Variants in APCDD1L observed in about 807,000 individuals in gnomAD.
APCDD1L encodes the protein protein APCDD1-like.
In APCDD1L, 21 loss-of-function variants were observed where a neutral mutation model predicts 24.2. The ratio of observed to expected loss-of-function variants is 0.87; its 90% CI spans 0.61 to 1.25. The LOEUF (loss-of-function observed/expected upper bound fraction) is 1.25, where lower values mean the gene tolerates loss of function less well. Among genes scored for constraint, APCDD1L ranks in the 50% most tolerant of loss-of-function variants. APCDD1L has a pLI of 0.00. For synonymous variants in APCDD1L, 321 were observed against 323.6 expected (o/e 0.99, Z 0.09); for missense variants, 704 against 711.7 (o/e 0.99, Z 0.12).
intron 1 of APCDD1L, among the ~76,000 whole-genome samples, chr20:58,492,699 TCAC>T (rs1315160351): frequency 1.3e-5 from 2 of 152,244 alleles, no homozygotes; most frequent in Non-Finnish European, 2.9e-5. Flanking sequence ...ACATCTTACA[TCAC>T]CATCTGATAT....
In APCDD1L at chr20:58,460,535, C is replaced by A; in HGVS notation, c.*255G>T. 2.6e-6 allele frequency: 1 copy of A among 385,344 alleles called. No homozygotes were observed. Among genetic ancestry groups the A allele is most frequent in the Non-Finnish European group, 4.6e-6 (1 of 219,122 alleles). The allele number at this position is 385,344 out of a possible 1,614,324, so 23.9% of individuals were successfully genotyped here. On this transcript the variant is annotated 3_prime_UTR_variant, in exon 4 of 4. Coordinates refer to ENST00000371149, the MANE Select transcript of APCDD1L (RefSeq NM_153360.3). The surrounding 1 kb of genome is among the most constrained non-coding windows in gnomAD (Gnocchi z 4.2). The stretch of plus-strand genomic sequence containing the variant: ...AAATTGGGAGTGATCTTTAGAAACT[C>A]ACGTAGCGATGAACATCACTGCCGC...
rs1990714886 is a variant in APCDD1L at position 58,514,964 on chromosome 20, A to G, written c.-257T>C. ...AGACAGCCCCCGGCGAGGCGCGCAC[A>G]CCCGCGCAGCGCGCACAGCCCCCTG... is the stretch of plus-strand genomic sequence containing the variant. On this transcript the variant is annotated 5_prime_UTR_variant, in exon 1 of 4. Transcript: ENST00000371149. The G allele has an allele frequency of 2.9e-6, 1 of 350,554 alleles. No homozygotes were observed. 21.7% of individuals were successfully genotyped at this position (350,554 alleles called of 1,614,324 possible).
At chr20:58,480,588 G>A (rs1270224092) in intron 1 of APCDD1L, among the ~76,000 whole-genome samples, 2 of 152,178 alleles carry the variant, frequency 1.3e-5, no homozygotes, top group Non-Finnish European at 2.9e-5. Flanking sequence ...TGAGGAAGCG[G>A]CTGGCCACTG....
At chr20:58,513,994 T>C (rs1990683984) in intron 1 of APCDD1L, 2 of 1,271,032 alleles carry the variant, frequency 1.6e-6, no homozygotes, top group Admixed American at 4.9e-5. Flanking sequence ...GCCCCTGTGA[T>C]GGCACACTCC....
chr20:58,500,769 C>G (rs1990420374), intron 1 of APCDD1L, among the ~76,000 whole-genome samples: 1 of 152,170 alleles, frequency 6.6e-6, no homozygotes, highest in African/African-American at 2.4e-5. Flanking sequence ...TACCCCCGGA[C>G]ATTCATCCTG....
chr20:58,469,707 C>T (rs558641388), intron 2 of APCDD1L, among the ~76,000 whole-genome samples: 2 of 152,266 alleles, frequency 1.3e-5, no homozygotes, highest in Admixed American at 6.5e-5. Context: ...GAAGTGGCCT[C>T]GAAGGACTCA....
At chr20:58,512,406 T>C (rs1434627329) in intron 1 of APCDD1L, among the ~76,000 whole-genome samples, 1 of 152,166 alleles carries the variant, frequency 6.6e-6, no homozygotes, top group Non-Finnish European at 1.5e-5. Flanking sequence ...CTGGAGACAT[T>C]TTCAGTTATC....
At chr20:58,485,741 A>G (rs1056950770) in intron 1 of APCDD1L, among the ~76,000 whole-genome samples, 1 of 152,198 alleles carries the variant, frequency 6.6e-6, no homozygotes, top group Admixed American at 6.5e-5. Context: ...AATACAGCTT[A>G]TCTGAATATT....
chr20:58,495,319 T>C (rs1990300727), intron 1 of APCDD1L, among the ~76,000 whole-genome samples: 1 of 152,182 alleles, frequency 6.6e-6, no homozygotes, highest in African/African-American at 2.4e-5. Flanking sequence ...TTAAGGCCAG[T>C]GTGGGGCCCT....
chr20:58,513,236 C>T (rs910726435), intron 1 of APCDD1L, among the ~76,000 whole-genome samples: 6 of 152,182 alleles, frequency 3.9e-5, no homozygotes, highest in South Asian at 2.1e-4. Context: ...AGCAGAGGCG[C>T]GCTTCCACAG....
At chr20:58,496,786 A>G (rs1236280060) in intron 1 of APCDD1L, among the ~76,000 whole-genome samples, 2 of 152,026 alleles carry the variant, frequency 1.3e-5, no homozygotes, top group Non-Finnish European at 2.9e-5. Flanking sequence ...GAAGAGTGGA[A>G]CTGTGCATGG....
intron 1 of APCDD1L, among the ~76,000 whole-genome samples, chr20:58,471,168 A>T (rs573830510): frequency 6.6e-6 from 1 of 152,182 alleles, no homozygotes; most frequent in African/African-American, 2.4e-5. Context: ...CTCTGGACTC[A>T]GGACCCAAGG....
rs540576875 is a variant in APCDD1L, at chr20:58,459,739, T to A, written c.*1051A>T. On this transcript the variant is annotated 3_prime_UTR_variant, in exon 4 of 4. Coordinates refer to ENST00000371149, the MANE Select transcript of APCDD1L (RefSeq NM_153360.3). ...GCAAGGAGGCTGGGCAAGGCGGAGCTGCCTAGATGTCGCCATGTAGCCTGG... is the reference window on the plus strand; with the variant it reads ...GCAAGGAGGCTGGGCAAGGCGGAGCAGCCTAGATGTCGCCATGTAGCCTGG... 1 of 152,828 alleles carries A rather than the reference T, an allele frequency of 6.5e-6. No homozygotes were observed. The highest frequency in any genetic ancestry group is 1.9e-4 in the East Asian group (1 of 5,190). The allele number at this position is 152,828 out of a possible 1,614,324, so 9.5% of individuals were successfully genotyped here. A position where few individuals can be genotyped will look rare whatever the true frequency, so the allele number is the denominator to read the frequency against.
chr20:58,465,713 T>C (rs1989692518), intron 3 of APCDD1L, among the ~76,000 whole-genome samples: 1 of 152,228 alleles, frequency 6.6e-6, no homozygotes, highest in Non-Finnish European at 1.5e-5. Context: ...TTTCTTCTCA[T>C]TGTAAATGGA....
In APCDD1L at chr20:58,461,306, C is replaced by A; in HGVS notation, c.990G>T (p.Val330=). Residue 330 remains valine, a synonymous_variant, in exon 4 of 4, where the codon GTG becomes GTT. Transcript: ENST00000371149. The surrounding 1 kb of genome is among the most constrained non-coding windows in gnomAD (Gnocchi z 6.0). ...CCCTGGTGTAGCGGCCGGCGGCATACACGGTGAAGGTGGGCTGCCGGCAGG... is the reference window on the plus strand; with the variant it reads ...CCCTGGTGTAGCGGCCGGCGGCATAAACGGTGAAGGTGGGCTGCCGGCAGG... ...DPACRQPTFT[V]YAAGRYTRGT... 1 of 1,608,862 alleles carries A rather than the reference C, an allele frequency of 6.2e-7. No homozygotes were observed. The highest frequency in any genetic ancestry group is 8.5e-7 in the Non-Finnish European group (1 of 1,176,558).
intron 1 of APCDD1L, among the ~76,000 whole-genome samples, chr20:58,506,191 G>A (rs966867521): frequency 1.3e-5 from 2 of 152,158 alleles, no homozygotes; most frequent in Admixed American, 1.3e-4. Flanking sequence ...CCAGGCAAAA[G>A]CAACCTGAGT....
In APCDD1L at chr20:58,494,960, C is replaced by T. The variant is rs902360036; in HGVS notation, c.49+19699G>A. On this transcript the variant is annotated intron_variant, in intron 1 of 3. Coordinates refer to ENST00000371149, the MANE Select transcript of APCDD1L (RefSeq NM_153360.3). The surrounding 1 kb of genome is among the most constrained non-coding windows in gnomAD (Gnocchi z 4.8). The stretch of plus-strand genomic sequence containing the variant: ...AAGCGTCTCCTCTTCAGTGAGAACA[C>T]CCCCATGACCTTGTCTCAAGGTGGG... Among the ~76,000 whole-genome samples the T allele has an allele frequency of 6.6e-5, 10 of 152,292 alleles. No individual in the cohort carries two copies. The highest frequency in any genetic ancestry group is 9.6e-5 in the African/African-American group (4 of 41,568).
At chr20:58,483,227 C>A (rs546893140) in intron 1 of APCDD1L, among the ~76,000 whole-genome samples, 2 of 151,926 alleles carry the variant, frequency 1.3e-5, no homozygotes, top group Non-Finnish European at 2.9e-5. Flanking sequence ...ATGGTGGCGC[C>A]GTGGGGAGGG....
At chr20:58,471,314 CT>C (rs1291939363) in intron 1 of APCDD1L, among the ~76,000 whole-genome samples, 1 of 152,246 alleles carries the variant, frequency 6.6e-6, no homozygotes, top group Non-Finnish European at 1.5e-5. Context: ...TCACCTGGTG[CT>C]GGGCACCTGC....
Sources: allele counts gnomAD v4.1 joint callset (sites outside exome capture counted in the v4.1 genomes callset), GRCh38; gene constraint gnomAD v4.1.1; non-coding constraint Gnocchi (gnomAD v3.1); transcripts MANE v1.5; gene names NCBI Gene and HGNC (gene_info 2026-07-23, HGNC 2026-07-21).